Variants in ALMS1 observed in about 807,000 individuals in gnomAD.
ALMS1 encodes the protein ALMS1 centrosome and basal body associated protein, also known as centrosome-associated protein ALMS1.
A neutral mutation model predicts 352.2 loss-of-function variants in ALMS1; 271 were observed. That is an observed-to-expected ratio of 0.77 (90% CI 0.70 to 0.85). The LOEUF (loss-of-function observed/expected upper bound fraction) is 0.85, where lower values mean the gene tolerates loss of function less well. Ranked by LOEUF, ALMS1 falls within the 40% of genes least tolerant of loss-of-function variation. The pLI, the probability that ALMS1 is intolerant of heterozygous loss-of-function variation, is 0.00. For synonymous variants in ALMS1, 1,865 were observed against 1,761.2 expected (o/e 1.06, Z -1.48); for missense variants, 5,445 against 4,870.7 (o/e 1.12, Z -3.51).
intron 9 of ALMS1, among the ~76,000 whole-genome samples, chr2:73,467,518 G>T (rs1028818085): frequency 3.3e-5 from 5 of 151,982 alleles, no homozygotes; most frequent in African/African-American, 1.2e-4. Context: ...AGGTAAACTG[G>T]TACACAACTC....
chr2:73,417,272 C>T (rs1671198278), intron 2 of ALMS1, among the ~76,000 whole-genome samples: 1 of 152,032 alleles, frequency 6.6e-6, no homozygotes. Flanking sequence ...ATGAGTATTT[C>T]ATAGAGGTAG....
At chr2:73,483,907 T>C (rs1359955047) in intron 9 of ALMS1, among the ~76,000 whole-genome samples, 1 of 147,096 alleles carries the variant, frequency 6.8e-6, no homozygotes, top group Non-Finnish European at 1.5e-5. Flanking sequence ...CCTGCCTTTT[T>C]TTGTTTTCCA....
intron 12 of ALMS1, among the ~76,000 whole-genome samples, chr2:73,540,101 A>G (rs1328299101): frequency 6.6e-6 from 1 of 152,224 alleles, no homozygotes; most frequent in Admixed American, 6.5e-5. Flanking sequence ...GAAGGAGAAA[A>G]TGTTAAGGGC....
At chr2:73,421,137 C>T (rs1671276812) in intron 3 of ALMS1, among the ~76,000 whole-genome samples, 1 of 152,170 alleles carries the variant, frequency 6.6e-6, no homozygotes, top group South Asian at 2.1e-4. Context: ...TCCAACTCCA[C>T]CCTGAGATAT....
At chr2:73,392,355 G>T (rs1224035435) in intron 1 of ALMS1, among the ~76,000 whole-genome samples, 3 of 151,242 alleles carry the variant, frequency 2.0e-5, no homozygotes, top group African/African-American at 7.3e-5. Context: ...TAGCTTTTTT[G>T]AGATATCATT....
chr2:73,599,972 T>G (rs6732440), intron 17 of ALMS1, among the ~76,000 whole-genome samples: 80,947 of 152,078 alleles, frequency 0.53, 24,320 homozygotes, highest in East Asian at 0.77. Flanking sequence ...ATTACATAAA[T>G]TATTGTATGT....
chr2:73,398,461 G>C (rs1405885370), intron 1 of ALMS1, among the ~76,000 whole-genome samples: 1 of 152,084 alleles, frequency 6.6e-6, no homozygotes, highest in Non-Finnish European at 1.5e-5. Context: ...ACTTTAGATT[G>C]AATTCATTGA....
In ALMS1 at chr2:73,449,565, A is replaced by G. The variant is rs371893544; in HGVS notation, c.3038A>G (p.Tyr1013Cys). ...CATAGAGAGAAGCCCAGTATTTTCT[A>G]TCAACAGGAGTGGCCAGATAGTTAT... ...FSHREKPSIF[Y>C]QQEWPDSYAT... The change falls in exon 8 of 23, where the codon TAT (tyrosine) becomes TGT (cysteine). Residue 1013 changes from tyrosine to cysteine, a missense_variant. By Grantham distance (194) the Tyr-to-Cys change is radical (BLOSUM62 -2). Transcript: ENST00000613296. 1.3e-5 allele frequency: 21 copies of G among 1,613,972 alleles called. No individual in the cohort carries two copies. The highest frequency in any genetic ancestry group is 6.7e-5 in the East Asian group (3 of 44,884).
chr2:73,387,153 A>C (rs1374505349), intron 1 of ALMS1, among the ~76,000 whole-genome samples: 1 of 152,200 alleles, frequency 6.6e-6, no homozygotes, highest in Non-Finnish European at 1.5e-5. Flanking sequence ...TTTTGTCACT[A>C]ATGAGCAGTA....
intron 9 of ALMS1, among the ~76,000 whole-genome samples, chr2:73,465,411 G>A (rs1378514207): frequency 3.9e-5 from 6 of 152,098 alleles, no homozygotes; most frequent in Non-Finnish European, 8.8e-5. Context: ...TTAATAAATG[G>A]TGCTGGGAAA....
At chr2:73,414,494 T>G (rs1286369112) in intron 2 of ALMS1, among the ~76,000 whole-genome samples, 41 of 147,666 alleles carry the variant, frequency 2.8e-4, no homozygotes, top group African/African-American at 7.6e-4. Flanking sequence ...TTTTTGTTTT[T>G]TTTTTGCTTT....
At chr2:73,609,062 A>G (rs1279287600) in intron 22 of ALMS1, among the ~76,000 whole-genome samples, 1 of 152,254 alleles carries the variant, frequency 6.6e-6, no homozygotes, top group Non-Finnish European at 1.5e-5. Flanking sequence ...CTGCAAGTCC[A>G]AGAACCTCAC....
chr2:73,596,206 T>G (rs1675542892), intron 16 of ALMS1, among the ~76,000 whole-genome samples: 1 of 152,242 alleles, frequency 6.6e-6, no homozygotes, highest in Non-Finnish European at 1.5e-5. Context: ...CATAGAGATA[T>G]TCTCCTATGT....
intron 9 of ALMS1, chr2:73,458,254 T>A (rs950727991): frequency 6.6e-6 from 1 of 152,150 alleles, no homozygotes. Context: ...GTTTTGGACC[T>A]TTTATTTTTT....
rs374744429 is a variant in ALMS1, at chr2:73,525,083, T to C, written c.9781+5067T>C. Among the ~76,000 whole-genome samples the C allele has an allele frequency of 2.6e-5, 4 of 152,350 alleles. No individual in the cohort carries two copies. In the East Asian group the frequency reaches 5.8e-4, roughly 22 times the overall value. On this transcript the variant is annotated intron_variant, in intron 11 of 22. Transcript: ENST00000613296. ...AAATGACAGGATCTCATTATTTTTTTTGGCTAAATAGTATTCCATTGTGCA... is the reference window on the plus strand; with the variant it reads ...AAATGACAGGATCTCATTATTTTTTCTGGCTAAATAGTATTCCATTGTGCA...
chr2:73,476,214 A>G (rs890892919), intron 9 of ALMS1, among the ~76,000 whole-genome samples: 4 of 152,060 alleles, frequency 2.6e-5, no homozygotes, highest in African/African-American at 4.8e-5. Flanking sequence ...ATGTTGTACT[A>G]TATGTCAGAA....
At chr2:73,413,271 G>A (rs11883997) in intron 2 of ALMS1, among the ~76,000 whole-genome samples, 5,407 of 152,006 alleles carry the variant, frequency 0.036, 311 homozygotes, top group African/African-American at 0.12. Context: ...GCATGTTTTT[G>A]TATTCTCCTG....
At chr2:73,580,998 C>T (rs549158249) in intron 16 of ALMS1, among the ~76,000 whole-genome samples, 3 of 152,356 alleles carry the variant, frequency 2.0e-5, no homozygotes, top group Middle Eastern at 3.4e-3. Flanking sequence ...AGCCTTGCTT[C>T]CTACTTGTAC....
chr2:73,386,380 A>G (rs1274162374), intron 1 of ALMS1, among the ~76,000 whole-genome samples, 188 bp downstream of exon 1: 1 of 152,100 alleles, frequency 6.6e-6, no homozygotes, highest in East Asian at 1.9e-4. Flanking sequence ...CTTTGTGGCA[A>G]AGACTTCTCG....
Sources: allele counts gnomAD v4.1 joint callset (sites outside exome capture counted in the v4.1 genomes callset), GRCh38; gene constraint gnomAD v4.1.1; transcripts MANE v1.5; gene names NCBI Gene and HGNC (gene_info 2026-07-23, HGNC 2026-07-21).